Variants in MTUS2 observed in about 807,000 individuals in gnomAD.
The protein encoded by MTUS2 is microtubule associated scaffold protein 2.
In MTUS2, 40 loss-of-function variants were observed where a neutral mutation model predicts 114.1. The observed-to-expected ratio is 0.35, with a 90% confidence interval of 0.27 to 0.46. The LOEUF is 0.46. Ranked by LOEUF, MTUS2 falls within the 20% of genes least tolerant of loss-of-function variation. The pLI is 1.00. For synonymous variants in MTUS2, 688 were observed against 672.0 expected (o/e 1.02, Z -0.37); for missense variants, 1,679 against 1,705.4 (o/e 0.98, Z 0.27).
chr13:29,286,387 C>T (rs1478605324), intron 6 of MTUS2, among the ~76,000 whole-genome samples: 1 of 152,084 alleles, frequency 6.6e-6, no homozygotes, highest in Non-Finnish European at 1.5e-5. Flanking sequence ...CAACACTGGC[C>T]ACACGTAGCT....
chr13:29,149,982 T>A (rs1892602217), intron 5 of MTUS2, among the ~76,000 whole-genome samples: 2 of 152,202 alleles, frequency 1.3e-5, no homozygotes, highest in Non-Finnish European at 2.9e-5. Flanking sequence ...TTGATTAGGA[T>A]TGCCTTGGCT....
At chr13:28,879,845 C>A (rs1340638397) in intron 2 of MTUS2, among the ~76,000 whole-genome samples, 2 of 151,128 alleles carry the variant, frequency 1.3e-5, no homozygotes, top group Non-Finnish European at 2.9e-5. Context: ...GGCACAGTTA[C>A]ATGGCTTTCA....
At chr13:29,333,234 G>T (rs949610179) in intron 7 of MTUS2, among the ~76,000 whole-genome samples, 1 of 152,020 alleles carries the variant, frequency 6.6e-6, no homozygotes, top group Non-Finnish European at 1.5e-5. Flanking sequence ...TGTCACTGTT[G>T]TTGCCCAGGC....
chr13:29,242,804 C>G (rs189676612), intron 5 of MTUS2: 5 of 152,282 alleles, frequency 3.3e-5, no homozygotes, highest in African/African-American at 1.2e-4. Flanking sequence ...AGGTATGGTT[C>G]TAAGTACATT....
At chr13:28,905,273 C>T (rs1411138024) in intron 2 of MTUS2, among the ~76,000 whole-genome samples, 21 of 151,484 alleles carry the variant, frequency 1.4e-4, no homozygotes, top group Non-Finnish European at 2.6e-4. Context: ...TTGCCCTGGC[C>T]AGAACTTCCA....
chr13:29,427,021 G>A (rs1876590620), intron 8 of MTUS2, among the ~76,000 whole-genome samples: 1 of 152,188 alleles, frequency 6.6e-6, no homozygotes, highest in South Asian at 2.1e-4. Context: ...CTTTCCCTCT[G>A]AGGTCTGCCC....
intron 4 of MTUS2, among the ~76,000 whole-genome samples, chr13:29,037,336 G>C (rs1049176468): frequency 2.6e-5 from 4 of 152,076 alleles, no homozygotes; most frequent in African/African-American, 9.7e-5. Context: ...TTGAATATTG[G>C]CTCCCACTCT....
Position 29,192,338 on chromosome 13 carries a change from A to G in MTUS2, c.2645-89366A>G, listed in dbSNP as rs1216501352. ...ATGTTCTCAATCATATGTGGAAACT[A>G]AAGAAAAGTTGATGTAGAAGTAAAA... On this transcript the variant is annotated intron_variant, in intron 5 of 15. Transcript: ENST00000612955. Among the ~76,000 whole-genome samples the G allele has an allele frequency of 2.0e-5, 3 of 152,234 alleles. No homozygotes were observed. The East Asian group carries it at 5.8e-4, about 29-fold the overall frequency.
chr13:29,340,387 C>A, intron 7 of MTUS2, among the ~76,000 whole-genome samples: 1 of 152,190 alleles, frequency 6.6e-6, no homozygotes, highest in Non-Finnish European at 1.5e-5. Context: ...TGAAAATGAA[C>A]ACAATACACT....
At chr13:29,177,626 T>G (rs1174171530) in intron 5 of MTUS2, among the ~76,000 whole-genome samples, 2 of 152,168 alleles carry the variant, frequency 1.3e-5, no homozygotes, top group Admixed American at 1.3e-4. Context: ...CAAACAGATA[T>G]AAATTTTAGG....
intron 5 of MTUS2, among the ~76,000 whole-genome samples, chr13:29,158,358 C>CCCCCCCCTTCTT: frequency 3.1e-5 from 1 of 32,048 alleles, no homozygotes; most frequent in Non-Finnish European, 5.1e-5. Context: ...GTCCACCCCG[C>CCCCCCCCTTCTT]TTTTTTTTTT....
chr13:28,940,264 A>T (rs975755786), intron 2 of MTUS2, among the ~76,000 whole-genome samples: 1 of 132,572 alleles, frequency 7.5e-6, no homozygotes, highest in African/African-American at 2.7e-5. Flanking sequence ...TTGTGTACAT[A>T]TGATGGAATA....
chr13:28,858,641 T>G (rs1442293581), intron 2 of MTUS2, among the ~76,000 whole-genome samples: 1 of 152,172 alleles, frequency 6.6e-6, no homozygotes, highest in Admixed American at 6.5e-5. Flanking sequence ...ACATATACTT[T>G]AAAATAGAAT....
At chr13:28,942,868 T>C (rs112746547) in intron 2 of MTUS2, among the ~76,000 whole-genome samples, 1 of 152,194 alleles carries the variant, frequency 6.6e-6, no homozygotes, top group African/African-American at 2.4e-5. Context: ...ATGTGCTGTT[T>C]CCTGATTCCA....
At chr13:29,234,388 G>A (rs1896454350) in intron 5 of MTUS2, among the ~76,000 whole-genome samples, 1 of 152,058 alleles carries the variant, frequency 6.6e-6, no homozygotes, top group African/African-American at 2.4e-5. Context: ...TCTTACACAA[G>A]CATTTCTGCA....
At chr13:29,112,360 T>C (rs1890914791) in intron 5 of MTUS2, among the ~76,000 whole-genome samples, 1 of 152,130 alleles carries the variant, frequency 6.6e-6, no homozygotes, top group South Asian at 2.1e-4. Flanking sequence ...AAGAGATGGC[T>C]GGTCAAGCCA....
At chr13:28,839,063 A>C (rs770096062) in intron 1 of MTUS2, among the ~76,000 whole-genome samples, 26 of 151,922 alleles carry the variant, frequency 1.7e-4, no homozygotes, top group Non-Finnish European at 3.2e-4. Context: ...AAAATGGTTG[A>C]GTATCAGCAA....
chr13:29,418,488 A>G (rs886438653), intron 8 of MTUS2, among the ~76,000 whole-genome samples: 3 of 152,162 alleles, frequency 2.0e-5, no homozygotes, highest in African/African-American at 7.2e-5. Flanking sequence ...TTGGCTTCCT[A>G]TCTATTTCAC....
At chr13:28,895,209 C>A (rs1294778511) in intron 2 of MTUS2, among the ~76,000 whole-genome samples, 2 of 152,186 alleles carry the variant, frequency 1.3e-5, no homozygotes, top group Non-Finnish European at 2.9e-5. Context: ...TACAGTGGGA[C>A]TCCCTTAGAA....
Sources: allele counts gnomAD v4.1 joint callset (sites outside exome capture counted in the v4.1 genomes callset), GRCh38; gene constraint gnomAD v4.1.1; transcripts MANE v1.5; gene names NCBI Gene and HGNC (gene_info 2026-07-23, HGNC 2026-07-21).